CATSPERD: variants seen among roughly 807,000 people sequenced by gnomAD.
The protein encoded by CATSPERD is cation channel sperm-associated auxiliary subunit delta.
Under a neutral mutation model 98.1 loss-of-function variants are expected in CATSPERD, and 86 were observed. That is an observed-to-expected ratio of 0.88 (90% CI 0.74 to 1.05). The LOEUF (loss-of-function observed/expected upper bound fraction) is 1.05, where lower values mean the gene tolerates loss of function less well. CATSPERD is among the 50% of genes least tolerant of loss of function. The pLI is 0.00. For synonymous variants in CATSPERD, 394 were observed against 390.2 expected (o/e 1.01, Z -0.12); for missense variants, 995 against 1,005.7 (o/e 0.99, Z 0.14).
intron 3 of CATSPERD, among the ~76,000 whole-genome samples, chr19:5,729,493 T>C (rs1202386893): frequency 2.0e-5 from 3 of 152,200 alleles, no homozygotes; most frequent in Admixed American, 6.6e-5. Flanking sequence ...TGTTCATGGA[T>C]GGCCTTTTCC....
At chr19:5,747,477 C>G (rs1189077841) in intron 9 of CATSPERD, among the ~76,000 whole-genome samples, 3 of 151,866 alleles carry the variant, frequency 2.0e-5, no homozygotes, top group Admixed American at 1.3e-4. Context: ...CTGTTTTATT[C>G]CTTATAGTGG....
intron 18 of CATSPERD, among the ~76,000 whole-genome samples, chr19:5,769,379 G>C (rs563830302): frequency 6.6e-6 from 1 of 151,330 alleles, no homozygotes; most frequent in South Asian, 2.1e-4. Context: ...TGGAAGCTGA[G>C]AATGAAAACC....
chr19:5,722,017 G>C (rs2055494925), intron 1 of CATSPERD, among the ~76,000 whole-genome samples: 1 of 151,082 alleles, frequency 6.6e-6, no homozygotes. Context: ...GGGTCTCACT[G>C]TTTTGCCCAG....
intron 17 of CATSPERD, among the ~76,000 whole-genome samples, chr19:5,767,134 AGT>A (rs1190170164): frequency 6.6e-6 from 1 of 150,920 alleles, no homozygotes; most frequent in Non-Finnish European, 1.5e-5. Context: ...TGGCTAACAC[AGT>A]GAAACCCCGT....
At chr19:5,775,911 G>A (rs972060434) in intron 20 of CATSPERD, among the ~76,000 whole-genome samples, 1 of 152,222 alleles carries the variant, frequency 6.6e-6, no homozygotes. Context: ...AGTGGTATAC[G>A]GAGTTGATCA....
At chr19:5,770,860 A>C (rs2056630347) in intron 18 of CATSPERD, 84 bp from the exon 19 acceptor site, 2 of 1,508,968 alleles carry the variant, frequency 1.3e-6, no homozygotes, top group Non-Finnish European at 1.8e-6. Context: ...CCCCATTTGC[A>C]AAAAAGAAAC....
chr19:5,772,155 CT>C, intron 19 of CATSPERD: 1 of 411,484 alleles, frequency 2.4e-6, no homozygotes, highest in Middle Eastern at 8.0e-4. Flanking sequence ...TCAAGCGGTC[CT>C]CCTGCCTCAG....
chr19:5,757,858 C>T lies in CATSPERD; in HGVS notation c.1294C>T (p.Pro432Ser), dbSNP rs1000031550. 2.5e-6 allele frequency: 4 copies of T among 1,613,022 alleles called. No individual in the cohort carries two copies. Among genetic ancestry groups the T allele is most frequent in the African/African-American group, 1.3e-5 (1 of 74,862 alleles). The change falls in exon 14 of 22, where the codon CCC becomes TCC. Residue 432 changes from proline (P) to serine (S), a missense_variant. Around this residue, in one of 3 missense-constraint regions of CATSPERD, gnomAD observed 762 missense variants for 773.7 expected, o/e 0.98. Coordinates refer to ENST00000381624, the MANE Select transcript of CATSPERD (RefSeq NM_152784.4). ...CCACTCCCAGGTGATGGTGAGCAACCCCCACTCCCTGGGGTTCCAGGCCAC... is the reference window on the plus strand; with the variant it reads ...CCACTCCCAGGTGATGGTGAGCAACTCCCACTCCCTGGGGTTCCAGGCCAC... ...SLIPLVMVSNPHSLGFQATFY... is the reference protein window; with the variant it reads ...SLIPLVMVSNSHSLGFQATFY...
chr19:5,724,264 A>G (rs940404900), intron 1 of CATSPERD, among the ~76,000 whole-genome samples: 1 of 149,652 alleles, frequency 6.7e-6, no homozygotes, highest in African/African-American at 2.5e-5. Flanking sequence ...GGTTTCACCA[A>G]GTTGGCCAGG....
rs530973974 is a variant in CATSPERD at position 5,729,008 on chromosome 19, C to G, written c.204-864C>G. ...AGCCACCACACCTGGCCATCCATCT[C>G]TCTCTCTCTCTCTTTTTTAAAGGCT... On this transcript the variant is annotated intron_variant, in intron 3 of 21. Transcript: ENST00000381624. Among the ~76,000 whole-genome samples the G allele has an allele frequency of 2.7e-5, 4 of 149,860 alleles. No homozygotes were observed. The South Asian group carries it at 8.5e-4, about 32-fold the overall frequency.
At chr19:5,772,712 TC>T in intron 19 of CATSPERD, 75 bp from the exon 20 acceptor site, 1 of 1,503,042 alleles carries the variant, frequency 6.7e-7, no homozygotes, top group Admixed American at 2.0e-5. Flanking sequence ...TTTGCAGCCG[TC>T]CAGGTGGCTG....
At chr19:5,759,351 C>A (rs1016540170) in intron 15 of CATSPERD, among the ~76,000 whole-genome samples, 1 of 151,790 alleles carries the variant, frequency 6.6e-6, no homozygotes, top group Non-Finnish European at 1.5e-5. Context: ...CACCTGAGGT[C>A]AGGAGTTCGA....
In CATSPERD at chr19:5,769,293, CAAAAAAA is replaced by C. The variant is rs35536683; in HGVS notation, c.1634+1066_1634+1072del. 1.5e-3 allele frequency among the ~76,000 whole-genome samples: 66 copies of C among 45,092 alleles called. 2 individuals carry two copies. The South Asian group carries it at 0.032, about 22-fold the overall frequency. The allele number at this position is 45,092 out of a possible 152,430, so 29.6% of individuals were successfully genotyped here. A position where few individuals can be genotyped will look rare whatever the true frequency, so the allele number is the denominator to read the frequency against. ...GAGACCAGCCTGGGCAACCTAGAGA[CAAAAAAA>C]AAAAAAAAAAAAAAGAGGGTGGTGG... On this transcript the variant is annotated intron_variant, in intron 18 of 21. Transcript: ENST00000381624.
intron 7 of CATSPERD, among the ~76,000 whole-genome samples, chr19:5,740,145 G>GCGGC: frequency 6.6e-6 from 1 of 151,728 alleles, no homozygotes; most frequent in Non-Finnish European, 1.5e-5. Flanking sequence ...GCTGGGCGTG[G>GCGGC]TGGCACATGC....
intron 9 of CATSPERD, among the ~76,000 whole-genome samples, chr19:5,747,171 T>G (rs1027764143): frequency 5.8e-5 from 3 of 51,502 alleles, no homozygotes; most frequent in Admixed American, 2.0e-4. Flanking sequence ...TGGTTTCCCT[T>G]TTTTTTTTTT....
At chr19:5,759,610 C>T (rs560542157) in intron 15 of CATSPERD, among the ~76,000 whole-genome samples, 3 of 149,626 alleles carry the variant, frequency 2.0e-5, no homozygotes, top group South Asian at 4.2e-4. Context: ...AGTGTAGTGG[C>T]GGGCGCCTAT....
chr19:5,722,918 G>A (rs1016077975), intron 1 of CATSPERD, among the ~76,000 whole-genome samples: 1 of 152,076 alleles, frequency 6.6e-6, no homozygotes, highest in Non-Finnish European at 1.5e-5. Context: ...GCCGGGCGCG[G>A]GGGCTCACGC....
At chr19:5,740,156 T>C (rs1259227172) in intron 7 of CATSPERD, among the ~76,000 whole-genome samples, 3 of 143,646 alleles carry the variant, frequency 2.1e-5, no homozygotes, top group South Asian at 2.2e-4. Context: ...TGGCACATGC[T>C]TGTAATCTCA....
At chr19:5,765,878 T>A (rs1444224471) in intron 16 of CATSPERD, among the ~76,000 whole-genome samples, 5 of 152,034 alleles carry the variant, frequency 3.3e-5, no homozygotes, top group Admixed American at 3.3e-4. Context: ...TAATAGCTCC[T>A]CAGGCGACAC....
Sources: gnomAD v4.1 joint callset for allele counts (sites outside exome capture counted in the v4.1 genomes callset) on GRCh38, gnomAD v4.1.1 for gene constraint, gnomAD v4.1.1 regional missense constraint, MANE v1.5 for transcripts, NCBI Gene and HGNC (gene_info 2026-07-23, HGNC 2026-07-21) for gene names.